STPG2: variants seen among roughly 807,000 people sequenced by gnomAD.
STPG2 encodes the protein sperm tail PG-rich repeat containing 2.
A neutral mutation model predicts 54.2 loss-of-function variants in STPG2; 56 were observed. The observed-to-expected ratio is 1.03, with a 90% confidence interval of 0.83 to 1.29. The LOEUF (loss-of-function observed/expected upper bound fraction) is 1.29, where lower values mean the gene tolerates loss of function less well. Ranked by LOEUF, STPG2 falls within the 50% of genes most tolerant of loss-of-function variation. The pLI is 0.00. For missense variants in STPG2, 596 were observed against 544.9 expected, an observed-to-expected ratio of 1.09 and a Z score of -0.93; for synonymous variants, 200 against 181.8, an observed-to-expected ratio of 1.10 and a Z score of -0.81.
chr4:97,785,039 T>C (rs965278299), intron 9 of STPG2, among the ~76,000 whole-genome samples: 3 of 152,076 alleles, frequency 2.0e-5, no homozygotes, highest in Non-Finnish European at 2.9e-5. Context: ...TGTGAAAAGA[T>C]AGAGGTGCTA....
chr4:98,017,944 T>C (rs1373788879), intron 5 of STPG2, among the ~76,000 whole-genome samples: 1 of 152,210 alleles, frequency 6.6e-6, no homozygotes, highest in Admixed American at 6.5e-5. Context: ...CTGCCATGAT[T>C]GTAAGTTTCC....
intron 4 of STPG2, among the ~76,000 whole-genome samples, chr4:97,547,182 G>C (rs1214495750): frequency 2.0e-5 from 3 of 151,766 alleles, no homozygotes; most frequent in Non-Finnish European, 4.4e-5. Flanking sequence ...ATAATAAGGA[G>C]TTGGACGTTA....
At chr4:97,802,682 G>A (rs1727435819) in intron 9 of STPG2, among the ~76,000 whole-genome samples, 1 of 152,124 alleles carries the variant, frequency 6.6e-6, no homozygotes, top group East Asian at 1.9e-4. Context: ...TGTTGGCCAG[G>A]CTGGTCTCAA....
At chr4:98,020,401 G>T (rs1366694659) in intron 5 of STPG2, among the ~76,000 whole-genome samples, 1 of 145,868 alleles carries the variant, frequency 6.9e-6, no homozygotes, top group Non-Finnish European at 1.5e-5. Context: ...TTTTTGATGT[G>T]CTGCTGGATT....
rs115429040 is a variant in STPG2 at position 97,806,345 on chromosome 4, A to G, written c.1204+34428T>C. Among the ~76,000 whole-genome samples, 470 of 152,218 alleles carry G rather than the reference A, an allele frequency of 3.1e-3. 1 individual carries two copies. The highest frequency in any genetic ancestry group is 0.011 in the African/African-American group (446 of 41,546). ...TATACATGGACATCGAGATGGGAAC[A>G]GTAGACACTGGGGACTAGAAGGAGG... On this transcript the variant is annotated intron_variant, in intron 9 of 10. Transcript: ENST00000295268.
At chr4:97,472,830 G>C (rs1337828285) in intron 4 of STPG2, among the ~76,000 whole-genome samples, 1 of 152,164 alleles carries the variant, frequency 6.6e-6, no homozygotes, top group Non-Finnish European at 1.5e-5. Context: ...GGTTGTTGCG[G>C]GAAGTCAGGG....
chr4:98,112,845 GAGA>G (rs1429006665), intron 3 of STPG2, among the ~76,000 whole-genome samples: 1 of 151,936 alleles, frequency 6.6e-6, no homozygotes, highest in Non-Finnish European at 1.5e-5. Flanking sequence ...CTAATCCTAT[GAGA>G]AGAAGGAGAT....
intron 4 of STPG2, among the ~76,000 whole-genome samples, chr4:97,542,017 C>T (rs1248117025): frequency 6.6e-6 from 1 of 151,976 alleles, no homozygotes; most frequent in Admixed American, 6.6e-5. Context: ...CCATAAAAAC[C>T]CTAGAAGAAA....
rs1157546004 is a variant in STPG2, at chr4:97,885,912, TAAAG to T, written c.1045-44984_1045-44981del. Reference sequence around the variant, plus strand: ...CTATTTAAGAAGAGAAGAATAAACTTAAAGAAACACAAAGATAAATAAAAGTCAT... The same window carrying T: ...CTATTTAAGAAGAGAAGAATAAACTTAAACACAAAGATAAATAAAAGTCAT... On this transcript the variant is annotated intron_variant, in intron 8 of 10. Coordinates refer to ENST00000295268, the MANE Select transcript of STPG2 (RefSeq NM_174952.3). Among the ~76,000 whole-genome samples the T allele has an allele frequency of 9.2e-5, 14 of 152,094 alleles. No individual in the cohort carries two copies. In the South Asian group the frequency reaches 1.5e-3, roughly 16 times the overall value.
chr4:97,812,066 G>A (rs1727756599), intron 9 of STPG2, among the ~76,000 whole-genome samples: 1 of 152,102 alleles, frequency 6.6e-6, no homozygotes, highest in Admixed American at 6.6e-5. Context: ...ATCAAAGACT[G>A]AAGAAATACA....
chr4:97,924,333 CAT>C (rs1297208476), intron 8 of STPG2, among the ~76,000 whole-genome samples: 1 of 152,174 alleles, frequency 6.6e-6, no homozygotes. Context: ...ACATTTTAAA[CAT>C]ATGTGATGGA....
At chr4:97,884,769 T>G (rs1053163814) in intron 8 of STPG2, among the ~76,000 whole-genome samples, 4 of 151,966 alleles carry the variant, frequency 2.6e-5, no homozygotes, top group African/African-American at 9.6e-5. Context: ...AGCTAAGAAA[T>G]TATAGAAAAG....
intron 7 of STPG2, among the ~76,000 whole-genome samples, chr4:97,959,815 G>A (rs1010626046): frequency 6.6e-6 from 1 of 151,984 alleles, no homozygotes; most frequent in African/African-American, 2.4e-5. Context: ...CAAAACGATA[G>A]AGAAAGAGGG....
At chr4:97,930,337 T>C (rs567756272) in intron 8 of STPG2, among the ~76,000 whole-genome samples, 1 of 152,380 alleles carries the variant, frequency 6.6e-6, no homozygotes. Flanking sequence ...TTTAATCATC[T>C]TGAGTTGTTT....
At chr4:97,547,015 T>TA (rs922454239) in intron 4 of STPG2, among the ~76,000 whole-genome samples, 43 of 152,054 alleles carry the variant, frequency 2.8e-4, no homozygotes, top group South Asian at 8.3e-4. Flanking sequence ...TAGGTTTTTT[T>TA]AAAAAAAATA....
At chr4:97,967,185 C>CAAAAAAAAAA (rs58042990) in intron 7 of STPG2, among the ~76,000 whole-genome samples, 3 of 107,186 alleles carry the variant, frequency 2.8e-5, no homozygotes, top group African/African-American at 7.3e-5. Context: ...AAATGGTAAG[C>CAAAAAAAAAA]AAAAAAAAAA....
chr4:97,535,646 C>G (rs1289968263), intron 4 of STPG2, among the ~76,000 whole-genome samples: 1 of 152,010 alleles, frequency 6.6e-6, no homozygotes, highest in Non-Finnish European at 1.5e-5. Flanking sequence ...TAAAGTGTGA[C>G]CCTTTTTCTC....
intron 8 of STPG2, among the ~76,000 whole-genome samples, chr4:97,881,255 T>C (rs1458428417): frequency 1.3e-5 from 2 of 152,134 alleles, no homozygotes; most frequent in Non-Finnish European, 2.9e-5. Context: ...CCCTCTCATT[T>C]TTTACAAGAA....
At position 97,825,681 on chromosome 4, in the gene STPG2, T is replaced by C. The variant is rs189971825; in HGVS notation, c.1204+15092A>G. Among the ~76,000 whole-genome samples the C allele has an allele frequency of 4.3e-3, 655 of 152,304 alleles. 5 individuals carry two copies. The highest frequency in any genetic ancestry group is 6.6e-3 in the Non-Finnish European group (449 of 68,024). On this transcript the variant is annotated intron_variant, in intron 9 of 10. Coordinates refer to ENST00000295268, the MANE Select transcript of STPG2 (RefSeq NM_174952.3). ...TAAGAAACTGGTAAATGAAAAATCT[T>C]ACAACTACTGAATCTTTTGTCTGTC...
Sources: gnomAD v4.1 joint callset for allele counts (sites outside exome capture counted in the v4.1 genomes callset) on GRCh38, gnomAD v4.1.1 for gene constraint, MANE v1.5 for transcripts, NCBI Gene and HGNC (gene_info 2026-07-23, HGNC 2026-07-21) for gene names.